The following KIT variants were observed in gnomAD, a reference collection of about 807,000 sequenced individuals.
KIT encodes mast/stem cell growth factor receptor Kit.
A neutral mutation model predicts 105.7 loss-of-function variants in KIT; 16 were observed. The observed-to-expected ratio is 0.15, with a 90% CI of 0.10 to 0.23. The LOEUF is 0.23. KIT is among the 10% of genes least tolerant of loss of function. The probability of loss-of-function intolerance (pLI) is 1.00; values close to 1 mark genes in which losing one functional copy is unlikely to be tolerated. For missense variants in KIT, 858 were observed against 1,213.8 expected, an observed-to-expected ratio of 0.71 and a Z score of 4.36; for synonymous variants, 438 against 441.1, an observed-to-expected ratio of 0.99 and a Z score of 0.09.
intron 17 of KIT, 97 bp from the exon 18 acceptor site, chr4:54,736,401 A>T: frequency 1.0e-6 from 1 of 956,678 alleles, no homozygotes; most frequent in Non-Finnish European, 1.7e-6. Context: ...TTATCACTCC[A>T]CATTTCAGCA....
Position 54,713,242 on chromosome 4 carries a change from G to T in KIT, c.1231+3703G>T, listed in dbSNP as rs142010167. Among the ~76,000 whole-genome samples, 1,303 of 152,126 alleles carry T rather than the reference G, an allele frequency of 8.6e-3. 6 individuals are homozygous for T. Among genetic ancestry groups the T allele is most frequent in the Non-Finnish European group, 0.016 (1,077 of 68,002 alleles). On this transcript the variant is annotated intron_variant, in intron 7 of 20. Transcript: ENST00000288135. ...GCAGTGTACACTATACCCGTGTATA[G>T]TCTTTATCCCTCACCCCCCTCCCAC...
intron 1 of KIT, among the ~76,000 whole-genome samples, chr4:54,659,631 G>T (rs1717096568): frequency 6.6e-6 from 1 of 152,128 alleles, no homozygotes; most frequent in African/African-American, 2.4e-5. Context: ...GCAGCAGGAG[G>T]GGTCAGCAGG....
chr4:54,663,824 C>T (rs1206662010), intron 1 of KIT, among the ~76,000 whole-genome samples: 1 of 152,086 alleles, frequency 6.6e-6, no homozygotes, highest in African/African-American at 2.4e-5. Context: ...GGTTAGTGTT[C>T]AGTAAGTATT....
chr4:54,682,174 C>T (rs1300920653), intron 1 of KIT, among the ~76,000 whole-genome samples: 1 of 150,466 alleles, frequency 6.6e-6, no homozygotes, highest in African/African-American at 2.4e-5. Flanking sequence ...ACTGCAGCCT[C>T]AACTTCCTGG....
At chr4:54,725,268 C>T (rs1284356025) in intron 8 of KIT, among the ~76,000 whole-genome samples, 2 of 152,096 alleles carry the variant, frequency 1.3e-5, no homozygotes, top group African/African-American at 4.8e-5. Flanking sequence ...CCACGCCCAG[C>T]TAATTTTTGT....
intron 7 of KIT, among the ~76,000 whole-genome samples, chr4:54,722,300 A>G (rs1046501592): frequency 4.6e-5 from 7 of 152,166 alleles, no homozygotes; most frequent in Non-Finnish European, 1.0e-4. Context: ...AATAATAATA[A>G]TAAATAATTG....
intron 1 of KIT, among the ~76,000 whole-genome samples, chr4:54,684,385 G>T (rs74555366): frequency 8.5e-5 from 13 of 152,158 alleles, no homozygotes; most frequent in African/African-American, 3.1e-4. Context: ...AAAAAGGGGG[G>T]CTTGAGCCCA....
At position 54,736,744 on chromosome 4, in the gene KIT, C is replaced by A; in HGVS notation, c.2620C>A (p.Pro874Thr). The part of the protein sequence containing the change: ...SLGSSPYPGM[P>T]VDSKFYKMIK... ...AGGAAGCAGCCCCTATCCTGGAATG[C>A]CGGTCGATTCTAAGTTCTACAAGAT... Residue 874 changes from proline (P) to threonine (T), a missense_variant, in exon 19 of 21, where the codon CCG becomes ACG. By Grantham distance (38) the Pro-to-Thr change is conservative. Transcript: ENST00000288135. The A allele has an allele frequency of 6.2e-7, 1 of 1,614,112 alleles. No homozygotes were observed. The highest frequency in any genetic ancestry group is 1.1e-5 in the South Asian group (1 of 91,086).
At chr4:54,721,562 T>C (rs981238041) in intron 7 of KIT, among the ~76,000 whole-genome samples, 2 of 152,200 alleles carry the variant, frequency 1.3e-5, no homozygotes, top group Non-Finnish European at 2.9e-5. Context: ...TTTGTGTATA[T>C]TAGCCAAATG....
At position 54,740,090 on chromosome 4, in the gene KIT, T is replaced by C. The variant is rs1578012068; in HGVS notation, c.*1533T>C. 4.3e-6 allele frequency: 1 copy of C among 233,670 alleles called. No homozygotes were observed. The allele number at this position is 233,670 out of a possible 1,614,324, so 14.5% of individuals were successfully genotyped here. A position where few individuals can be genotyped will look rare whatever the true frequency, so the allele number is the denominator to read the frequency against. The stretch of plus-strand genomic sequence containing the variant: ...CCAATATAAAAGGCAAATGTGTACA[T>C]GGCAGAGTTTGTGTGTTGTCTTGAA... On this transcript the variant is annotated 3_prime_UTR_variant, in exon 21 of 21. Transcript: ENST00000288135.
chr4:54,691,649 G>A (rs56037117), intron 1 of KIT, among the ~76,000 whole-genome samples: 2 of 152,208 alleles, frequency 1.3e-5, no homozygotes, highest in Admixed American at 6.5e-5. Flanking sequence ...AGCTGCTGCT[G>A]CCTCTGTTGT....
intron 7 of KIT, among the ~76,000 whole-genome samples, chr4:54,719,961 G>A (rs1721757977): frequency 6.6e-6 from 1 of 152,030 alleles, no homozygotes; most frequent in Non-Finnish European, 1.5e-5. Context: ...TTAGGGAAAG[G>A]GCTGGACCGA....
intron 4 of KIT, among the ~76,000 whole-genome samples, chr4:54,700,132 T>C (rs1057212781): frequency 2.0e-5 from 3 of 152,212 alleles, no homozygotes; most frequent in African/African-American, 7.2e-5. Context: ...CCAGACTATT[T>C]AAAATATTGA....
intron 1 of KIT, among the ~76,000 whole-genome samples, chr4:54,695,076 G>T (rs562646190): frequency 1.3e-5 from 2 of 152,306 alleles, no homozygotes; most frequent in African/African-American, 4.8e-5. Flanking sequence ...GCTATTCTAT[G>T]TCATGGTCAT....
At chr4:54,664,950 T>C (rs59518799) in intron 1 of KIT, among the ~76,000 whole-genome samples, 35,554 of 151,554 alleles carry the variant, frequency 0.23, 4,729 homozygotes, top group African/African-American at 0.36. Flanking sequence ...TAATCATCTT[T>C]AAATGTATAT....
At chr4:54,677,668 C>T (rs73818380) in intron 1 of KIT, among the ~76,000 whole-genome samples, 12,420 of 152,142 alleles carry the variant, frequency 0.082, 632 homozygotes, top group African/African-American at 0.15. Flanking sequence ...TTAGAAGATA[C>T]GCACTCCTTT....
chr4:54,706,041 A>G (rs1052928574), intron 5 of KIT, among the ~76,000 whole-genome samples: 8 of 152,160 alleles, frequency 5.3e-5, no homozygotes, highest in African/African-American at 1.7e-4. Flanking sequence ...TCTTTTTTAT[A>G]TTATTATATC....
chr4:54,668,444 C>T (rs545474608), intron 1 of KIT, among the ~76,000 whole-genome samples: 24 of 152,324 alleles, frequency 1.6e-4, no homozygotes, highest in African/African-American at 5.8e-4. Context: ...CCCCAGGTAA[C>T]TCATTTCACA....
intron 1 of KIT, among the ~76,000 whole-genome samples, chr4:54,678,646 T>C (rs1228086967): frequency 6.6e-6 from 1 of 152,100 alleles, no homozygotes; most frequent in Non-Finnish European, 1.5e-5. Flanking sequence ...CACACCTGTT[T>C]TCATAATATT....
Sources: allele counts gnomAD v4.1 joint callset (sites outside exome capture counted in the v4.1 genomes callset), GRCh38; gene constraint gnomAD v4.1.1; transcripts MANE v1.5; gene names NCBI Gene and HGNC (gene_info 2026-07-23, HGNC 2026-07-21).